Variants in MMRN1 observed in about 807,000 individuals in gnomAD.
MMRN1 encodes multimerin 1.
MMRN1 carries 94 observed loss-of-function variants against 100.7 expected under a neutral mutation model. That is an observed-to-expected ratio of 0.93 (90% CI 0.79 to 1.11). MMRN1 has a LOEUF of 1.11. MMRN1 is among the 50% of genes least tolerant of loss of function. MMRN1 has a pLI of 0.00. For synonymous variants in MMRN1, 575 were observed against 505.0 expected (o/e 1.14, Z -1.86); for missense variants, 1,606 against 1,439.1 (o/e 1.12, Z -1.88).
chr4:89,921,623 C>T (rs1722092102), intron 3 of MMRN1, among the ~76,000 whole-genome samples: 1 of 152,110 alleles, frequency 6.6e-6, no homozygotes, highest in Non-Finnish European at 1.5e-5. Context: ...CACTATTCCC[C>T]AAGCTGCAGA....
At chr4:89,945,434 T>C (rs1489100405) in intron 6 of MMRN1, among the ~76,000 whole-genome samples, 2 of 152,186 alleles carry the variant, frequency 1.3e-5, no homozygotes, top group African/African-American at 2.4e-5. Flanking sequence ...ACTTGGCATT[T>C]CCATGAATAA....
chr4:89,886,099 C>T (rs1252953895), intron 1 of MMRN1, among the ~76,000 whole-genome samples: 3 of 148,864 alleles, frequency 2.0e-5, no homozygotes, highest in African/African-American at 7.5e-5. Flanking sequence ...CCACATTTCC[C>T]ATGCTGGTCT....
At position 89,934,837 on chromosome 4, in the gene MMRN1, T is replaced by C; in HGVS notation, c.1157T>C (p.Leu386Pro). 6.5e-7 allele frequency: 1 copy of C among 1,541,760 alleles called. No individual in the cohort carries two copies. Residue 386 changes from leucine to proline, a missense_variant, in exon 6 of 8, where the codon CTG (leucine) becomes CCG (proline). Leu to Pro is a moderately conservative substitution (Grantham distance 98). Transcript: ENST00000264790. ...CTAAAATCCAAAAGCATTAATGTAC[T>C]GATAAGAGACATAGTAAGAGAACAA... ...KGLKSKSINV[L>P]IRDIVREQFK... is the part of the protein sequence containing the mutation.
chr4:89,907,027 CACAGT>C (rs1237294662), intron 1 of MMRN1, among the ~76,000 whole-genome samples: 1 of 151,490 alleles, frequency 6.6e-6, no homozygotes, highest in African/African-American at 2.4e-5. Context: ...CTCCCTCCTC[CACAGT>C]CATTCAGAGA....
chr4:89,888,388 T>A (rs925167075), intron 1 of MMRN1, among the ~76,000 whole-genome samples: 8 of 151,874 alleles, frequency 5.3e-5, no homozygotes, highest in Non-Finnish European at 8.8e-5. Context: ...CTCTCATCTA[T>A]CTGACTTAAT....
intron 1 of MMRN1, among the ~76,000 whole-genome samples, chr4:89,881,760 T>C (rs988728990): frequency 3.3e-5 from 5 of 151,980 alleles, no homozygotes; most frequent in African/African-American, 1.2e-4. Context: ...TAATATATTG[T>C]TGCAAGTTGT....
chr4:89,926,608 T>G (rs1347841153), intron 4 of MMRN1, among the ~76,000 whole-genome samples: 1 of 152,202 alleles, frequency 6.6e-6, no homozygotes, highest in East Asian at 1.9e-4. Flanking sequence ...TTGTTTCTTT[T>G]GCTGTGCAGA....
At chr4:89,944,616 G>A (rs1296268194) in intron 6 of MMRN1, among the ~76,000 whole-genome samples, 1 of 152,148 alleles carries the variant, frequency 6.6e-6, no homozygotes, top group East Asian at 1.9e-4. Flanking sequence ...TTAGAGGCAG[G>A]CAAAGCGATG....
intron 5 of MMRN1, 92 bp from the exon 6 acceptor site, chr4:89,934,715 GTTA>G: frequency 1.6e-6 from 1 of 622,752 alleles, no homozygotes; most frequent in Non-Finnish European, 2.5e-6. Flanking sequence ...ATTATTACGT[GTTA>G]TTAATGTTTA....
intron 3 of MMRN1, among the ~76,000 whole-genome samples, chr4:89,917,871 T>C (rs3775477): frequency 0.14 from 21,600 of 151,886 alleles, 2,247 homozygotes; most frequent in East Asian, 0.29. Context: ...TCAATTTTTA[T>C]CAGCACTTAA....
chr4:89,952,966 A>G, intron 7 of MMRN1, 31 bp from the exon 8 acceptor site: 4 of 1,533,818 alleles, frequency 2.6e-6, no homozygotes, highest in Non-Finnish European at 2.6e-6. Context: ...AAAACATGAA[A>G]ATTAACTCTT....
chr4:89,948,657 T>C (rs1723065722), intron 6 of MMRN1, among the ~76,000 whole-genome samples: 1 of 152,194 alleles, frequency 6.6e-6, no homozygotes, highest in Non-Finnish European at 1.5e-5. Flanking sequence ...CCTACTATGC[T>C]TGGGCTCAAC....
intron 3 of MMRN1, among the ~76,000 whole-genome samples, chr4:89,922,178 C>G (rs1722109506): frequency 6.6e-6 from 1 of 152,116 alleles, no homozygotes; most frequent in Non-Finnish European, 1.5e-5. Context: ...CATCTCGGCT[C>G]ACTGCAACCT....
At chr4:89,950,529 G>T (rs67165846) in intron 6 of MMRN1, among the ~76,000 whole-genome samples, 3,719 of 151,936 alleles carry the variant, frequency 0.024, 67 homozygotes, top group African/African-American at 0.048. Flanking sequence ...TTTAAATGTT[G>T]CCACCTTATA....
At chr4:89,904,296 AT>A (rs1033405203) in intron 1 of MMRN1, among the ~76,000 whole-genome samples, 4 of 151,892 alleles carry the variant, frequency 2.6e-5, no homozygotes, top group Non-Finnish European at 5.9e-5. Context: ...ACATTAAAAA[AT>A]TTACCATTCT....
intron 1 of MMRN1, among the ~76,000 whole-genome samples, chr4:89,880,077 G>A (rs1720786653): frequency 6.6e-6 from 1 of 152,154 alleles, no homozygotes. Flanking sequence ...CTTTTCTTTT[G>A]AAGTCAAACT....
chr4:89,911,171 A>G (rs574441787), intron 2 of MMRN1, among the ~76,000 whole-genome samples: 4 of 151,502 alleles, frequency 2.6e-5, no homozygotes, highest in Non-Finnish European at 4.4e-5. Context: ...GCAACTAAAT[A>G]TTAAAGTCAC....
At chr4:89,888,195 T>C (rs77244248) in intron 1 of MMRN1, among the ~76,000 whole-genome samples, 6,858 of 152,108 alleles carry the variant, frequency 0.045, 212 homozygotes, top group African/African-American at 0.08. Context: ...TTTAGCGCAA[T>C]GGGTTTCTCT....
At chr4:89,951,473 C>T in intron 6 of MMRN1, 132 bp from the exon 7 acceptor site, 1 of 874,494 alleles carries the variant, frequency 1.1e-6, no homozygotes, top group Non-Finnish European at 1.6e-6. Flanking sequence ...CGACAGGCAT[C>T]CTGGGCCGTG....
Sources: allele counts gnomAD v4.1 joint callset (sites outside exome capture counted in the v4.1 genomes callset), GRCh38; gene constraint gnomAD v4.1.1; transcripts MANE v1.5; gene names NCBI Gene and HGNC (gene_info 2026-07-23, HGNC 2026-07-21).